Variants in STRIP2 observed in about 807,000 individuals in gnomAD.
The protein encoded by STRIP2 is striatin interacting protein 2, also known as striatin-interacting protein 2.
In STRIP2, 84 loss-of-function variants were observed where a neutral mutation model predicts 107.1. That is an observed-to-expected ratio of 0.78 (90% CI 0.66 to 0.94). STRIP2 has a LOEUF of 0.94. STRIP2 is among the 40% of genes least tolerant of loss of function. STRIP2 has a pLI of 0.00. For synonymous variants in STRIP2, 394 were observed against 400.4 expected (o/e 0.98, Z 0.19); for missense variants, 888 against 1,034.2 (o/e 0.86, Z 1.94).
intron 2 of STRIP2, among the ~76,000 whole-genome samples, 158 bp downstream of exon 2, chr7:129,440,249 C>T (rs1797861886): frequency 6.6e-6 from 1 of 152,180 alleles, no homozygotes. Context: ...TGGTAAATAT[C>T]TCTTTGTTTG....
At position 129,487,349 on chromosome 7, in the gene STRIP2, T is replaced by TC. The variant is rs1799266417; in HGVS notation, c.*1525dup. The TC allele has an allele frequency of 6.6e-6, 1 of 152,002 alleles. No homozygotes were observed. The highest frequency in any genetic ancestry group is 2.4e-5 in the African/African-American group (1 of 41,360). The allele number at this position is 152,002 out of a possible 1,614,324, so 9.4% of individuals were successfully genotyped here. A position where few individuals can be genotyped will look rare whatever the true frequency, so the allele number is the denominator to read the frequency against. The stretch of plus-strand genomic sequence containing the variant: ...TTTTTTACTATACATGTTGCCCCTC[T>TC]CCCCCAACTTAGGCACTACTGAATT... On this transcript the variant is annotated 3_prime_UTR_variant, in exon 21 of 21. Coordinates refer to ENST00000249344, the MANE Select transcript of STRIP2 (RefSeq NM_020704.3).
chr7:129,440,149 G>GCCCACCCC, intron 2 of STRIP2, 58 bp downstream of exon 2: 2 of 1,364,270 alleles, frequency 1.5e-6, no homozygotes, highest in Non-Finnish European at 2.1e-6. Context: ...GAGGGAAGGG[G>GCCCACCCC]CCTGTGATCT....
intron 19 of STRIP2, among the ~76,000 whole-genome samples, chr7:129,482,375 A>ATTTTT (rs1325271361): frequency 6.2e-5 from 5 of 80,106 alleles, no homozygotes; most frequent in African/African-American, 2.4e-4. Context: ...ATATATATAT[A>ATTTTT]TATTTTTTTT....
At chr7:129,484,500 C>G (rs1303479366) in intron 20 of STRIP2, 1 of 152,152 alleles carries the variant, frequency 6.6e-6, no homozygotes, top group Non-Finnish European at 1.5e-5. Flanking sequence ...TCAGATAACT[C>G]TACTTACTTA....
intron 8 of STRIP2, among the ~76,000 whole-genome samples, 169 bp from the exon 9 acceptor site, chr7:129,456,270 G>T (rs1798349772): frequency 6.6e-6 from 1 of 151,738 alleles, no homozygotes; most frequent in Non-Finnish European, 1.5e-5. Context: ...TTGCCGTGGG[G>T]ATGGTAATCA....
intron 18 of STRIP2, among the ~76,000 whole-genome samples, chr7:129,477,265 C>T (rs1216283598): frequency 2.1e-5 from 3 of 145,442 alleles, no homozygotes; most frequent in South Asian, 2.2e-4. Flanking sequence ...TTTTACTTTC[C>T]GTACTTATGA....
At chr7:129,475,567 T>C (rs28649095) in intron 18 of STRIP2, among the ~76,000 whole-genome samples, 1 of 118,380 alleles carries the variant, frequency 8.4e-6, no homozygotes. Context: ...TTTTTTTTTT[T>C]CTTTTTATTT....
chr7:129,434,733 G>T, intron 1 of STRIP2, 132 bp downstream of exon 1: 1 of 1,130,426 alleles, frequency 8.8e-7, no homozygotes, highest in Non-Finnish European at 1.2e-6. Context: ...GCGCCTGCGG[G>T]GTCCTAGCGG....
At chr7:129,467,693 T>G (rs903878796) in intron 17 of STRIP2, among the ~76,000 whole-genome samples, 1 of 152,198 alleles carries the variant, frequency 6.6e-6, no homozygotes, top group Admixed American at 6.5e-5. Flanking sequence ...AGAAATGAAG[T>G]GGCAATGATG....
At chr7:129,456,005 C>A (rs912798038) in intron 8 of STRIP2, among the ~76,000 whole-genome samples, 3 of 152,144 alleles carry the variant, frequency 2.0e-5, no homozygotes, top group African/African-American at 7.2e-5. Context: ...AGTTATTCAA[C>A]CTGATCCTTC....
Position 129,456,515 on chromosome 7 carries a change from C to G in STRIP2, c.911C>G (p.Ala304Gly). 6.2e-7 allele frequency: 1 copy of G among 1,614,114 alleles called. No homozygotes were observed. The highest frequency in any genetic ancestry group is 1.3e-5 in the African/African-American group (1 of 75,016). The change falls in exon 9 of 21, where the codon GCT (alanine) becomes GGT (glycine). Residue 304 changes from alanine to glycine, a missense_variant. Transcript: ENST00000249344. ...GCAGAATTGGGCCTGCCTCCACTGGCTGAAGACAGTATCCAGGTGGTGAAG... is the reference window on the plus strand; with the variant it reads ...GCAGAATTGGGCCTGCCTCCACTGGGTGAAGACAGTATCCAGGTGGTGAAG... The part of the protein sequence containing the change: ...KRAELGLPPL[A>G]EDSIQVVKSM...
chr7:129,434,649 CG>C (rs1797680777), intron 1 of STRIP2, 48 bp downstream of exon 1: 1 of 1,429,152 alleles, frequency 7.0e-7, no homozygotes, highest in African/African-American at 1.5e-5. Context: ...CGCCCGCCGG[CG>C]GGAAGCGGCG....
At chr7:129,451,575 A>T in intron 3 of STRIP2, 38 bp from the exon 4 acceptor site, 1 of 1,610,420 alleles carries the variant, frequency 6.2e-7, no homozygotes, top group Non-Finnish European at 8.5e-7. Flanking sequence ...AAGGGTGGCA[A>T]TAGCTGACAC....
chr7:129,453,959 C>G (rs1562901193), intron 5 of STRIP2, among the ~76,000 whole-genome samples, 183 bp from the exon 6 acceptor site: 1 of 152,150 alleles, frequency 6.6e-6, no homozygotes, highest in Non-Finnish European at 1.5e-5. Flanking sequence ...CTTGTCTTCA[C>G]CATAGATGAG....
In STRIP2 at chr7:129,455,228, C is replaced by G; in HGVS notation, c.707-16C>G. 1 of 1,601,992 alleles carries G rather than the reference C, an allele frequency of 6.2e-7. No individual in the cohort carries two copies. The highest frequency in any genetic ancestry group is 1.1e-5 in the South Asian group (1 of 88,974). ...CTCATCCTCACTTTCTCACTCCCCTCTCTCCTCACCCCTAGGCTTCTCCAT... is the reference window on the plus strand; with the variant it reads ...CTCATCCTCACTTTCTCACTCCCCTGTCTCCTCACCCCTAGGCTTCTCCAT... On this transcript the variant is annotated splice_polypyrimidine_tract_variant and intron_variant, in intron 7 of 20. Coordinates refer to ENST00000249344, the MANE Select transcript of STRIP2 (RefSeq NM_020704.3).
intron 9 of STRIP2, among the ~76,000 whole-genome samples, chr7:129,457,832 G>A (rs888424216): frequency 6.6e-6 from 1 of 152,122 alleles, no homozygotes; most frequent in Non-Finnish European, 1.5e-5. Context: ...GCAAGCTTCT[G>A]TCCTCCTCTT....
At chr7:129,452,734 G>A (rs1054791240) in intron 4 of STRIP2, among the ~76,000 whole-genome samples, 1 of 152,232 alleles carries the variant, frequency 6.6e-6, no homozygotes, top group Non-Finnish European at 1.5e-5. Context: ...TCCAGGAAGT[G>A]TAGGGAATCA....
At chr7:129,439,798 C>T (rs754522262) in intron 1 of STRIP2, among the ~76,000 whole-genome samples, 5 of 152,104 alleles carry the variant, frequency 3.3e-5, no homozygotes, top group East Asian at 1.9e-4. Flanking sequence ...TCAGACTTTC[C>T]GATTTTGTAT....
intron 1 of STRIP2, among the ~76,000 whole-genome samples, chr7:129,439,377 G>A (rs1298914697): frequency 6.6e-6 from 1 of 152,122 alleles, no homozygotes; most frequent in Non-Finnish European, 1.5e-5. Flanking sequence ...AAATTCATAT[G>A]TATGAACATA....
Sources: gnomAD v4.1 joint callset for allele counts (sites outside exome capture counted in the v4.1 genomes callset) on GRCh38, gnomAD v4.1.1 for gene constraint, MANE v1.5 for transcripts, NCBI Gene and HGNC (gene_info 2026-07-23, HGNC 2026-07-21) for gene names.